Variants in OR9G4 observed in about 807,000 individuals in gnomAD.
OR9G4 encodes the protein olfactory receptor 9G4.
OR9G4 carries 19 observed loss-of-function variants against 16.7 expected under a neutral mutation model. The observed-to-expected ratio is 1.14, with a 90% CI of 0.79 to 1.67. The LOEUF (loss-of-function observed/expected upper bound fraction) is 1.67. Ranked by LOEUF, OR9G4 falls within the 40% of genes most tolerant of loss-of-function variation. OR9G4 has a pLI of 0.00. For missense variants in OR9G4, 428 were observed against 370.4 expected (o/e 1.16, Z -1.28); for synonymous variants, 182 against 146.2 (o/e 1.24, Z -1.76).
In OR9G4 at chr11:56,742,021, C is replaced by A. The variant is rs1858308154; in HGVS notation, c.*807G>T. 6.6e-6 allele frequency: 1 copy of A among 152,186 alleles called. No individual in the cohort carries two copies. Among genetic ancestry groups the A allele is most frequent in the South Asian group, 2.1e-4 (1 of 4,834 alleles). 9.4% of individuals were successfully genotyped at this position (152,186 alleles called of 1,614,324 possible). A position where few individuals can be genotyped will look rare whatever the true frequency, so the allele number is the denominator to read the frequency against. On this transcript the variant is annotated 3_prime_UTR_variant, in exon 2 of 2. Transcript: ENST00000641668. ...GTTCAAGGCCCAGGCTAGGTTCAGGCCAGGGACAAACATGCAGCTTATGTC... is the reference window on the plus strand; with the variant it reads ...GTTCAAGGCCCAGGCTAGGTTCAGGACAGGGACAAACATGCAGCTTATGTC...
At position 56,743,619 on chromosome 11, in the gene OR9G4, G is replaced by A. The variant is rs368678684; in HGVS notation, c.148C>T (p.Arg50Ter). ...GGTGTATGCAAGTGGGAATCAGTTC[G>A]GATTAAGATAACCAAGGTCATGTTT... ...SGNMTLVILIRTDSHLHTPMY... is the reference protein window; with the variant it reads ...SGNMTLVILI The change falls in exon 2 of 2, where the codon CGA (arginine) becomes TGA (stop). Residue 50 changes from arginine (R) to a stop codon, truncating the protein, a stop_gained. Transcript: ENST00000641668. LOFTEE classifies it high-confidence loss of function. The A allele has an allele frequency of 2.4e-5, 38 of 1,613,864 alleles. No individual in the cohort carries two copies. Among genetic ancestry groups the A allele is most frequent in the African/African-American group, 5.3e-5 (4 of 74,988 alleles).
chr11:56,743,942 T>G, intron 1 of OR9G4, 154 bp from the exon 2 acceptor site: 1 of 815,650 alleles, frequency 1.2e-6, no homozygotes, highest in South Asian at 1.9e-5. Context: ...TTGGAAAAAT[T>G]ACTGGAATTG....
intron 1 of OR9G4, among the ~76,000 whole-genome samples, chr11:56,747,324 G>T (rs778860943): frequency 6.6e-6 from 1 of 151,586 alleles, no homozygotes; most frequent in Admixed American, 6.6e-5. Flanking sequence ...CCTTTCAAAC[G>T]TCACATTCTG....
Position 56,743,470 on chromosome 11 carries a change from A to G in OR9G4, c.297T>C (p.Ala99=). Residue 99 remains alanine (A), a synonymous_variant, in exon 2 of 2, where the codon GCT becomes GCC. Coordinates refer to ENST00000641668, the MANE Select transcript of OR9G4 (RefSeq NM_001005284.2). ...CTACAACACAGGAAAAAAACAGCTGAGCCCCACATCCAGCCAAGGAAATGC... is the reference window on the plus strand; with the variant it reads ...CTACAACACAGGAAAAAAACAGCTGGGCCCCACATCCAGCCAAGGAAATGC... The part of the protein sequence containing the change: ...DKRISLAGCG[A]QLFFSCVVAY... The G allele has an allele frequency of 6.2e-7, 1 of 1,614,102 alleles. No individual in the cohort carries two copies. The highest frequency in any genetic ancestry group is 8.5e-7 in the Non-Finnish European group (1 of 1,180,032).
chr11:56,745,116 C>G (rs895372365), intron 1 of OR9G4, among the ~76,000 whole-genome samples: 1 of 152,122 alleles, frequency 6.6e-6, no homozygotes, highest in Non-Finnish European at 1.5e-5. Flanking sequence ...AAAATTTTAA[C>G]TATCATTATT....
chr11:56,743,391 T>A lies in OR9G4; in HGVS notation c.376A>T (p.Ile126Phe). Residue 126 changes from isoleucine (I) to phenylalanine (F), a missense_variant, in exon 2 of 2, where the codon ATT (isoleucine) becomes TTT (phenylalanine). Physicochemically the swap from Ile to Phe is conservative, Grantham distance 21. Transcript: ENST00000641668. The part of the protein sequence containing the change: ...AAMAYDRHAA[I>F]CNPLLYSGTM... ...CCTGAATAAAGCAATGGGTTACAAA[T>A]TGCTGCATGGCGGTCATATGCCATG... is the stretch of plus-strand genomic sequence containing the variant. The A allele has an allele frequency of 6.2e-7, 1 of 1,614,126 alleles. No homozygotes were observed. The highest frequency in any genetic ancestry group is 8.5e-7 in the Non-Finnish European group (1 of 1,180,026).
intron 1 of OR9G4, among the ~76,000 whole-genome samples, chr11:56,748,271 C>G (rs139550337): frequency 1.3e-5 from 2 of 152,326 alleles, no homozygotes; most frequent in Admixed American, 1.3e-4. Flanking sequence ...AAGAAAAACT[C>G]TTTGGTAGGA....
chr11:56,746,097 T>C (rs1256486167), intron 1 of OR9G4, among the ~76,000 whole-genome samples: 2 of 151,504 alleles, frequency 1.3e-5, no homozygotes, highest in Non-Finnish European at 2.9e-5. Flanking sequence ...ATCGAGACCA[T>C]CCCGGCTAAA....
chr11:56,745,528 C>T (rs1025153173), intron 1 of OR9G4, among the ~76,000 whole-genome samples: 1 of 151,976 alleles, frequency 6.6e-6, no homozygotes, highest in African/African-American at 2.4e-5. Context: ...ACCTGTAATC[C>T]CAGCACTTTA....
chr11:56,744,888 A>T (rs914418281), intron 1 of OR9G4, among the ~76,000 whole-genome samples: 10 of 152,310 alleles, frequency 6.6e-5, no homozygotes, highest in African/African-American at 2.4e-4. Flanking sequence ...ACCCACAGAC[A>T]TGAGCACGCC....
At position 56,743,428 on chromosome 11, in the gene OR9G4, A is replaced by G. The variant is rs1299878816; in HGVS notation, c.339T>C (p.Tyr113=). The change falls in exon 2 of 2, where the codon TAT becomes TAC. Residue 113 remains tyrosine, a synonymous_variant. Coordinates refer to ENST00000641668, the MANE Select transcript of OR9G4 (RefSeq NM_001005284.2). ...GGTCATATGCCATGGCTGCCAGGAG[A>G]TAGCATTCAGTGTAGGCTACAACAC... ...FSCVVAYTEC[Y]LLAAMAYDRH... is the part of the protein sequence containing the mutation. 1 of 1,614,042 alleles carries G rather than the reference A, an allele frequency of 6.2e-7. No homozygotes were observed.
chr11:56,746,472 T>G (rs930585203), intron 1 of OR9G4, among the ~76,000 whole-genome samples: 13 of 152,234 alleles, frequency 8.5e-5, no homozygotes, highest in Admixed American at 1.3e-4. Flanking sequence ...AATATGTACA[T>G]ATGTAAAAAC....
At position 56,743,273 on chromosome 11, in the gene OR9G4, C is replaced by T. The variant is rs759952299; in HGVS notation, c.494G>A (p.Arg165His). 3.3e-5 allele frequency: 53 copies of T among 1,613,872 alleles called. No homozygotes were observed. The highest frequency in any genetic ancestry group is 2.8e-4 in the African/African-American group (21 of 74,842). Residue 165 changes from arginine to histidine, a missense_variant, in exon 2 of 2, where the codon CGC becomes CAC. Coordinates refer to ENST00000641668, the MANE Select transcript of OR9G4 (RefSeq NM_001005284.2). The stretch of plus-strand genomic sequence containing the variant: ...GATATTTTTACCACAAAAATGCAGG[C>T]GGAATGTATTGGCAGTATGGGCTAT... ...NAIAHTANTF[R>H]LHFCGKNIID... is the part of the protein sequence containing the mutation.
At position 56,743,231 on chromosome 11, in the gene OR9G4, C is replaced by T. The variant is rs761655661; in HGVS notation, c.536G>A (p.Cys179Tyr). The change falls in exon 2 of 2, where the codon TGT becomes TAT. Residue 179 changes from cysteine (C) to tyrosine (Y), a missense_variant. Transcript: ENST00000641668. ...CATTTTTACCAATGGTGGTGCATCACAGAAAAAGTGGTCAATGATATTTTT... is the reference window on the plus strand; with the variant it reads ...CATTTTTACCAATGGTGGTGCATCATAGAAAAAGTGGTCAATGATATTTTT... ...CGKNIIDHFFCDAPPLVKMSC... is the reference protein window; with the variant it reads ...CGKNIIDHFFYDAPPLVKMSC... 1.2e-6 allele frequency: 2 copies of T among 1,614,052 alleles called. No individual in the cohort carries two copies. The highest frequency in any genetic ancestry group is 1.7e-6 in the Non-Finnish European group (2 of 1,179,988).
In OR9G4 at chr11:56,743,546, G is replaced by T; in HGVS notation, c.221C>A (p.Thr74Asn). 6.2e-7 allele frequency: 1 copy of T among 1,614,134 alleles called. No individual in the cohort carries two copies. Among genetic ancestry groups the T allele is most frequent in the South Asian group, 1.1e-5 (1 of 91,080 alleles). The change falls in exon 2 of 2, where the codon ACC becomes AAC. Residue 74 changes from threonine to asparagine, a missense_variant. Transcript: ENST00000641668. ...GNLSFLDFWY[T>N]SVYTPKILAS... ...CAGGATTTTGGGGGTATACACAGAG[G>T]TATACCAGAAATCCAAAAAAGACAG...
In OR9G4 at chr11:56,741,240, T is replaced by C. The variant is rs1211763328; in HGVS notation, c.*1588A>G. On this transcript the variant is annotated 3_prime_UTR_variant, in exon 2 of 2. Transcript: ENST00000641668. ...AAAATTGTGTTTCTTTGTGTTTCGT[T>C]TGTTTGTTATGATTTTGAGATCAGA... 3.0e-6 allele frequency: 1 copy of C among 334,562 alleles called. No homozygotes were observed. The highest frequency in any genetic ancestry group is 2.5e-5 in the African/African-American group (1 of 40,256). 20.7% of individuals were successfully genotyped at this position (334,562 alleles called of 1,614,324 possible).
At chr11:56,745,665 G>A (rs1590608780) in intron 1 of OR9G4, among the ~76,000 whole-genome samples, 1 of 151,866 alleles carries the variant, frequency 6.6e-6, no homozygotes, top group Admixed American at 6.6e-5. Flanking sequence ...CCAGCTACTT[G>A]GGAGGCTGAG....
chr11:56,746,241 C>G (rs113429039), intron 1 of OR9G4, among the ~76,000 whole-genome samples: 8 of 141,512 alleles, frequency 5.7e-5, no homozygotes, highest in African/African-American at 7.9e-5. Context: ...TGCAGTGAGC[C>G]GAGATCCCGC....
chr11:56,746,311 A>G (rs976028694), intron 1 of OR9G4, among the ~76,000 whole-genome samples: 8 of 151,532 alleles, frequency 5.3e-5, no homozygotes, highest in Admixed American at 3.3e-4. Context: ...AAAAAAAAAA[A>G]AAAAAAATAC....
Sources: allele counts gnomAD v4.1 joint callset (sites outside exome capture counted in the v4.1 genomes callset), GRCh38; gene constraint gnomAD v4.1.1; transcripts MANE v1.5; gene names NCBI Gene and HGNC (gene_info 2026-07-23, HGNC 2026-07-21).